LRRN4CL: variants seen among roughly 807,000 people sequenced by gnomAD.
LRRN4CL encodes the protein LRRN4 C-terminal like, also known as LRRN4 C-terminal-like protein.
For missense variants in LRRN4CL, 348 were observed against 336.4 expected (o/e 1.03, Z -0.27); for synonymous variants, 156 against 154.1 (o/e 1.01, Z -0.09).
chr11:62,687,652 GC>G lies in LRRN4CL; in HGVS notation c.*139del. On this transcript the variant is annotated 3_prime_UTR_variant, in exon 2 of 2. Transcript: ENST00000317449. The stretch of plus-strand genomic sequence containing the variant: ...GCTCAGTCCTGAGAACCATGACTCC[GC>G]CGTGGCCCTGGAGCCTGGGGCTGGC... 1.6e-6 allele frequency: 1 copy of G among 635,168 alleles called. No homozygotes were observed. The allele number at this position is 635,168 out of a possible 1,614,324, so 39.3% of individuals were successfully genotyped here.
At position 62,688,399 on chromosome 11, in the gene LRRN4CL, TCA is replaced by T. The variant is rs756869875; in HGVS notation, c.108_109del (p.Glu37AspfsTer120). 3.1e-6 allele frequency: 5 copies of T among 1,603,228 alleles called. No homozygotes were observed. The African/African-American group carries it at 4.0e-5, about 13-fold the overall frequency. Reference sequence around the variant, plus strand: ...AGCCGGCAAAGGCGGCCACGCCGTCTCAGTCTCATCTGCCTCCTCTTCTTCAA... The same window carrying T: ...AGCCGGCAAAGGCGGCCACGCCGTCTGTCTCATCTGCCTCCTCTTCTTCAA... On this transcript the variant is annotated frameshift_variant, in exon 2 of 2. Coordinates refer to ENST00000317449, the MANE Select transcript of LRRN4CL (RefSeq NM_203422.4). LOFTEE classifies it low-confidence loss of function (END_TRUNC).
rs769772120 is a variant in LRRN4CL, at chr11:62,688,247, T to C, written c.262A>G (p.Met88Val). 1 of 1,610,818 alleles carries C rather than the reference T, an allele frequency of 6.2e-7. No individual in the cohort carries two copies. The highest frequency in any genetic ancestry group is 8.5e-7 in the Non-Finnish European group (1 of 1,178,992). The change falls in exon 2 of 2, where the codon ATG (methionine) becomes GTG (valine). Residue 88 changes from methionine to valine, a missense_variant. By Grantham distance (21) the Met-to-Val change is conservative. Transcript: ENST00000317449. ...TCGGCCGCAATGCGCACTTCTCCCA[T>C]GCGCGGCGGGTCGGGCGGCTGGGCG... ...SPAQPPDPPR[M>V]GEVRIAAEEG...
chr11:62,688,498 G>A lies in LRRN4CL; in HGVS notation c.11C>T (p.Ser4Phe), dbSNP rs1488080451. MLGSPCLLWLLAVT... is the reference protein window; with the variant it reads MLGFPCLLWLLAVT... ...GGCCAGGAGCCACAGAAGGCAGGGA[G>A]AGCCCAGCATGGAGACTGGAAGGGA... is the stretch of plus-strand genomic sequence containing the variant. Residue 4 changes from serine to phenylalanine, a missense_variant, in exon 2 of 2, where the codon TCT (serine) becomes TTT (phenylalanine). Ser to Phe is a radical substitution (Grantham distance 155). Transcript: ENST00000317449. 6.3e-7 allele frequency: 1 copy of A among 1,597,066 alleles called. No individual in the cohort carries two copies. The highest frequency in any genetic ancestry group is 8.5e-7 in the Non-Finnish European group (1 of 1,178,986).
At chr11:62,689,310 A>C (rs867573228) in intron 1 of LRRN4CL, 117 bp downstream of exon 1, 1 of 152,218 alleles carries the variant, frequency 6.6e-6, no homozygotes, top group Non-Finnish European at 1.5e-5. Flanking sequence ...AAACAAGAGA[A>C]AAAAATAGGG....
In LRRN4CL at chr11:62,687,733, G is replaced by C. The variant is rs1391669374; in HGVS notation, c.*59C>G. 1.5e-6 allele frequency: 2 copies of C among 1,311,554 alleles called. No homozygotes were observed. The highest frequency in any genetic ancestry group is 2.0e-5 in the South Asian group (1 of 49,564). The allele number at this position is 1,311,554 out of a possible 1,614,324, so 81.2% of individuals were successfully genotyped here. On this transcript the variant is annotated 3_prime_UTR_variant, in exon 2 of 2. Transcript: ENST00000317449. ...GGCAGCGGGTTTTCCTCTTTCCCGG[G>C]GGCCAGGCTGAGCGCCCCAGGTGGG... is the stretch of plus-strand genomic sequence containing the variant.
chr11:62,688,833 G>T (rs1213403023), intron 1 of LRRN4CL, among the ~76,000 whole-genome samples: 3 of 152,174 alleles, frequency 2.0e-5, no homozygotes, highest in African/African-American at 7.2e-5. Context: ...GCCCAGGGAA[G>T]AACGGTAGGA....
Position 62,688,092 on chromosome 11 carries a change from T to G in LRRN4CL, c.417A>C (p.Glu139Asp), listed in dbSNP as rs571511558. 28 of 1,612,706 alleles carry G rather than the reference T, an allele frequency of 1.7e-5. No individual in the cohort carries two copies. Among genetic ancestry groups the G allele is most frequent in the Admixed American group, 1.0e-4 (6 of 60,012 alleles). ...TGCCCCCTGGCTTCAGCCCCTTCAG[T>G]TCGGCTCTGCGGACCGTAGCGTTCA... ...PPLNATVRRA[E>D]LKGLKPGGIY... Residue 139 changes from glutamate to aspartate, a missense_variant, in exon 2 of 2, where the codon GAA (glutamate) becomes GAC (aspartate). Glu to Asp is a conservative substitution (Grantham distance 45). Transcript: ENST00000317449.
At chr11:62,688,763 G>C (rs1945235558) in intron 1 of LRRN4CL, among the ~76,000 whole-genome samples, 1 of 152,200 alleles carries the variant, frequency 6.6e-6, no homozygotes, top group South Asian at 2.1e-4. Context: ...TTAAGTATTA[G>C]AAACAGTTAA....
rs748535738 is a variant in LRRN4CL at position 62,687,953 on chromosome 11, G to T, written c.556C>A (p.Leu186Ile). Residue 186 changes from leucine to isoleucine, a missense_variant, in exon 2 of 2, where the codon CTT (leucine) becomes ATT (isoleucine). Physicochemically the swap from Leu to Ile is conservative, Grantham distance 5. Transcript: ENST00000317449. Reference protein sequence around the residue: ...DIPAFGPCSRLAVPPNPRTLV... With the variant: ...DIPAFGPCSRIAVPPNPRTLV... ...GTGCGGGGGTTGGGCGGCACCGCAA[G>T]GCGGCTGCAAGGCCCGAAGGCAGGG... 1 of 1,586,408 alleles carries T rather than the reference G, an allele frequency of 6.3e-7. No individual in the cohort carries two copies. Among genetic ancestry groups the T allele is most frequent in the East Asian group, 2.3e-5 (1 of 44,414 alleles).
chr11:62,688,560 C>T, intron 1 of LRRN4CL, 47 bp from the exon 2 acceptor site: 1 of 1,400,380 alleles, frequency 7.1e-7, no homozygotes, highest in South Asian at 1.4e-5. Context: ...GCCCAAAAGC[C>T]TGCCATGCCC....
chr11:62,688,054 C>T lies in LRRN4CL; in HGVS notation c.455G>A (p.Cys152Tyr). 6.2e-7 allele frequency: 1 copy of T among 1,612,656 alleles called. No homozygotes were observed. Among genetic ancestry groups the T allele is most frequent in the Non-Finnish European group, 8.5e-7 (1 of 1,179,900 alleles). ...GLKPGGIYVVCVVAANEAGAS... is the reference protein window; with the variant it reads ...GLKPGGIYVVYVVAANEAGAS... Reference sequence around the variant, plus strand: ...CCCGGCCTCGTTAGCGGCCACTACGCAAACGACATAAATGCCCCCTGGCTT... The same window carrying T: ...CCCGGCCTCGTTAGCGGCCACTACGTAAACGACATAAATGCCCCCTGGCTT... The change falls in exon 2 of 2, where the codon TGC becomes TAC. Residue 152 changes from cysteine to tyrosine, a missense_variant. Physicochemically the swap from Cys to Tyr is radical, Grantham distance 194. Coordinates refer to ENST00000317449, the MANE Select transcript of LRRN4CL (RefSeq NM_203422.4).
In LRRN4CL at chr11:62,689,502, CTCAGGCTGTGCTG is replaced by C. The variant is rs1480665712; in HGVS notation, c.-94_-82del. 3 of 152,488 alleles carry C rather than the reference CTCAGGCTGTGCTG, an allele frequency of 2.0e-5. No homozygotes were observed. The highest frequency in any genetic ancestry group is 7.2e-5 in the African/African-American group (3 of 41,466). 9.4% of individuals were successfully genotyped at this position (152,488 alleles called of 1,614,324 possible). A position where few individuals can be genotyped will look rare whatever the true frequency, so the allele number is the denominator to read the frequency against. ...TGTTAGGCTGAGGGATCCCCAAGATCTCAGGCTGTGCTGTCAGGTTGTATCTTCAACTTCAATG... is the reference window on the plus strand; with the variant it reads ...TGTTAGGCTGAGGGATCCCCAAGATCTCAGGTTGTATCTTCAACTTCAATG... On this transcript the variant is annotated 5_prime_UTR_variant, in exon 1 of 2. Coordinates refer to ENST00000317449, the MANE Select transcript of LRRN4CL (RefSeq NM_203422.4).
In LRRN4CL at chr11:62,687,985, GC is replaced by G; in HGVS notation, c.523del (p.Ala175ProfsTer35). On this transcript the variant is annotated frameshift_variant, in exon 2 of 2. Transcript: ENST00000317449. LOFTEE classifies it low-confidence loss of function (END_TRUNC). ...PQAGGEGLEG[A>X]DIPAFGPCSR... ...GCAAGGCCCGAAGGCAGGGATGTCGGCCCCCTCGAGGCCCTCTCCTCCAGCC... is the reference window on the plus strand; with the variant it reads ...GCAAGGCCCGAAGGCAGGGATGTCGGCCCCTCGAGGCCCTCTCCTCCAGCC... 1 of 1,607,588 alleles carries G rather than the reference GC, an allele frequency of 6.2e-7. No homozygotes were observed. The highest frequency in any genetic ancestry group is 8.5e-7 in the Non-Finnish European group (1 of 1,177,192).
Position 62,687,998 on chromosome 11 carries a change from C to A in LRRN4CL, c.511G>T (p.Gly171Cys). The part of the protein sequence containing the change: ...ASRVPQAGGE[G>C]LEGADIPAFG... ...GCAGGGATGTCGGCCCCCTCGAGGC[C>A]CTCTCCTCCAGCCTGGGGCACGCGG... Residue 171 changes from glycine (G) to cysteine (C), a missense_variant, in exon 2 of 2, where the codon GGC becomes TGC. Physicochemically the swap from Gly to Cys is radical, Grantham distance 159. Transcript: ENST00000317449. 6.2e-7 allele frequency: 1 copy of A among 1,611,026 alleles called. No homozygotes were observed. Among genetic ancestry groups the A allele is most frequent in the East Asian group, 2.2e-5 (1 of 44,838 alleles).
chr11:62,687,912 G>T lies in LRRN4CL; in HGVS notation c.597C>A (p.Ala199=). 1 of 1,509,938 alleles carries T rather than the reference G, an allele frequency of 6.6e-7. No homozygotes were observed. Among genetic ancestry groups the T allele is most frequent in the Non-Finnish European group, 8.8e-7 (1 of 1,131,568 alleles). 93.5% of individuals were successfully genotyped at this position (1,509,938 alleles called of 1,614,324 possible). The change falls in exon 2 of 2, where the codon GCC becomes GCA. Residue 199 remains alanine (A), a synonymous_variant. Coordinates refer to ENST00000317449, the MANE Select transcript of LRRN4CL (RefSeq NM_203422.4). ...GGGCCAGGGCCGTGCCCACCCCGAC[G>T]GCCGCGTGGACCAGAGTGCGGGGGT... ...PPNPRTLVHA[A]VGVGTALALL...
rs1945248484 is a variant in LRRN4CL, at chr11:62,689,464, T to C, written c.-43A>G. On this transcript the variant is annotated 5_prime_UTR_variant, in exon 1 of 2. Coordinates refer to ENST00000317449, the MANE Select transcript of LRRN4CL (RefSeq NM_203422.4). Reference sequence around the variant, plus strand: ...CTTGATGCAGCGGGAATCCACCAGCTGACGTCTGTGGGTGTTAGGCTGAGG... The same window carrying C: ...CTTGATGCAGCGGGAATCCACCAGCCGACGTCTGTGGGTGTTAGGCTGAGG... The C allele has an allele frequency of 6.6e-6, 1 of 152,468 alleles. No homozygotes were observed. The highest frequency in any genetic ancestry group is 2.4e-5 in the African/African-American group (1 of 41,460). The allele number at this position is 152,468 out of a possible 1,614,324, so 9.4% of individuals were successfully genotyped here.
chr11:62,687,666 G>T lies in LRRN4CL; in HGVS notation c.*126C>A. On this transcript the variant is annotated 3_prime_UTR_variant, in exon 2 of 2. Coordinates refer to ENST00000317449, the MANE Select transcript of LRRN4CL (RefSeq NM_203422.4). ...ACCATGACTCCGCCGTGGCCCTGGA[G>T]CCTGGGGCTGGCTCCCAGCTCGCCG... 1 of 781,250 alleles carries T rather than the reference G, an allele frequency of 1.3e-6. No individual in the cohort carries two copies. The highest frequency in any genetic ancestry group is 1.8e-6 in the Non-Finnish European group (1 of 548,134). 48.4% of individuals were successfully genotyped at this position (781,250 alleles called of 1,614,324 possible).
At position 62,688,148 on chromosome 11, in the gene LRRN4CL, C is replaced by A. The variant is rs759638046; in HGVS notation, c.361G>T (p.Gly121Cys). 6.2e-7 allele frequency: 1 copy of A among 1,612,332 alleles called. No homozygotes were observed. The highest frequency in any genetic ancestry group is 1.7e-5 in the Admixed American group (1 of 59,982). Residue 121 changes from glycine to cysteine, a missense_variant, in exon 2 of 2, where the codon GGC (glycine) becomes TGC (cysteine). Transcript: ENST00000317449. ...GGCCCCTTCTGCGCAGCCTCGCTGC[C>A]GTCCCAAAGCAGCAGCCAGTAGTGG... The part of the protein sequence containing the change: ...VLHYWLLLWD[G>C]SEAAQKGPPL...
chr11:62,687,987 C>T lies in LRRN4CL; in HGVS notation c.522G>A (p.Gly174=). 6.2e-7 allele frequency: 1 copy of T among 1,607,994 alleles called. No homozygotes were observed. Residue 174 remains glycine, a synonymous_variant, in exon 2 of 2, where the codon GGG becomes GGA. Coordinates refer to ENST00000317449, the MANE Select transcript of LRRN4CL (RefSeq NM_203422.4). ...AAGGCCCGAAGGCAGGGATGTCGGC[C>T]CCCTCGAGGCCCTCTCCTCCAGCCT... ...VPQAGGEGLE[G]ADIPAFGPCS...
Sources: allele counts gnomAD v4.1 joint callset (sites outside exome capture counted in the v4.1 genomes callset), GRCh38; gene constraint gnomAD v4.1.1; transcripts MANE v1.5; gene names NCBI Gene and HGNC (gene_info 2026-07-23, HGNC 2026-07-21).